The following ZNG1B variants were observed in gnomAD, a reference collection of about 807,000 sequenced individuals.
ZNG1B encodes zinc-regulated GTPase metalloprotein activator 1B.
At chr2:113,441,995 C>G in the ZNG1B span, among the ~76,000 whole-genome samples, 11 of 152,154 alleles carry the variant, frequency 7.2e-5, no homozygotes, top group Non-Finnish European at 1.0e-4. Flanking sequence ...GCCTCGGCCT[C>G]CCAAAGTTGC....
chr2:113,454,796 T>G, the ZNG1B span: 1 of 1,567,784 alleles, frequency 6.4e-7, no homozygotes, highest in East Asian at 2.3e-5. Flanking sequence ...GAAAGATTGC[T>G]ATGAGTGGCT....
At chr2:113,471,940 CATAT>C in the ZNG1B span, among the ~76,000 whole-genome samples, 30 of 151,622 alleles carry the variant, frequency 2.0e-4, no homozygotes, top group Non-Finnish European at 4.0e-4. Context: ...CCGCAATAAA[CATAT>C]GTGTGCATAT....
the ZNG1B span, chr2:113,460,772 T>A: frequency 1.9e-6 from 3 of 1,574,100 alleles, no homozygotes; most frequent in African/African-American, 1.4e-5. Context: ...AAGAGAAAAA[T>A]CACTAAGATG....
the ZNG1B span, chr2:113,453,286 C>T: frequency 6.4e-7 from 1 of 1,570,936 alleles, no homozygotes; most frequent in Admixed American, 2.0e-5. Context: ...CTTTGTTGCC[C>T]AGACTGGAGT....
At chr2:113,449,181 A>C in the ZNG1B span, among the ~76,000 whole-genome samples, 1 of 151,808 alleles carries the variant, frequency 6.6e-6, no homozygotes, top group Non-Finnish European at 1.5e-5. Context: ...CTTTGGCTTA[A>C]GGGAACATTG....
chr2:113,482,944 C>CT, the ZNG1B span, among the ~76,000 whole-genome samples: 19,603 of 119,052 alleles, frequency 0.16, 43 homozygotes, highest in East Asian at 0.37. Flanking sequence ...GAGATAACAG[C>CT]TACTTGCATT....
At chr2:113,480,320 C>T in the ZNG1B span, among the ~76,000 whole-genome samples, 1 of 151,872 alleles carries the variant, frequency 6.6e-6, no homozygotes, top group African/African-American at 2.4e-5. Flanking sequence ...TTTATTGTTA[C>T]TTTTTTGTAG....
chr2:113,439,751 C>T, the ZNG1B span, among the ~76,000 whole-genome samples: 1 of 152,034 alleles, frequency 6.6e-6, no homozygotes, highest in Admixed American at 6.5e-5. Context: ...ACTGTGACTC[C>T]TCTGGCTAGA....
the ZNG1B span, among the ~76,000 whole-genome samples, chr2:113,493,326 A>G: frequency 2.3e-5 from 3 of 129,554 alleles, no homozygotes; most frequent in Non-Finnish European, 5.0e-5. Context: ...AAAATGAAAT[A>G]GTTATCTTCA....
chr2:113,460,804 A>G, the ZNG1B span: 1 of 1,562,454 alleles, frequency 6.4e-7, no homozygotes, highest in Admixed American at 1.9e-5. Context: ...CAAACTAAGA[A>G]ATTTTAAAAC....
chr2:113,462,551 T>A, the ZNG1B span: 1 of 1,558,250 alleles, frequency 6.4e-7, no homozygotes, highest in Non-Finnish European at 8.7e-7. Context: ...ACACAGAATA[T>A]TTTTTACTCT....
At chr2:113,475,647 T>G in the ZNG1B span, among the ~76,000 whole-genome samples, 1 of 152,116 alleles carries the variant, frequency 6.6e-6, no homozygotes, top group Admixed American at 6.6e-5. Flanking sequence ...CTTTCCACGT[T>G]TAGTGCTTCC....
the ZNG1B span, chr2:113,454,726 T>A: frequency 6.4e-6 from 10 of 1,574,048 alleles, no homozygotes; most frequent in Non-Finnish European, 8.7e-6. Context: ...GATTAAAATG[T>A]TTTTTCCTTT....
the ZNG1B span, among the ~76,000 whole-genome samples, chr2:113,471,780 A>G: frequency 2.6e-5 from 4 of 151,716 alleles, no homozygotes; most frequent in South Asian, 2.1e-4. Flanking sequence ...ATGATTTCCA[A>G]TTTCATCCAT....
At chr2:113,477,097 G>A in the ZNG1B span, among the ~76,000 whole-genome samples, 1 of 152,222 alleles carries the variant, frequency 6.6e-6, no homozygotes, top group Admixed American at 6.5e-5. Context: ...CTGGGCAATG[G>A]CGGGCGCCCC....
chr2:113,448,773 G>A, the ZNG1B span, among the ~76,000 whole-genome samples: 1 of 151,890 alleles, frequency 6.6e-6, no homozygotes, highest in Non-Finnish European at 1.5e-5. Flanking sequence ...GCTTGGTGGT[G>A]GGAGCCTGTA....
At chr2:113,459,376 G>T in the ZNG1B span, among the ~76,000 whole-genome samples, 2 of 151,454 alleles carry the variant, frequency 1.3e-5, no homozygotes, top group Non-Finnish European at 2.9e-5. Context: ...AAACTATTCA[G>T]ATACCCCTAA....
At chr2:113,439,849 T>TC in the ZNG1B span, among the ~76,000 whole-genome samples, 1 of 149,362 alleles carries the variant, frequency 6.7e-6, no homozygotes, top group Non-Finnish European at 1.5e-5. Context: ...TTCACTGAAT[T>TC]CCCCTCCATT....
the ZNG1B span, among the ~76,000 whole-genome samples, chr2:113,456,200 A>G: frequency 1.3e-5 from 2 of 152,058 alleles, no homozygotes; most frequent in African/African-American, 4.8e-5. Context: ...AGAGTTTAAA[A>G]TCTCAATTTA....
Sources: allele counts gnomAD v4.1 joint callset (sites outside exome capture counted in the v4.1 genomes callset), GRCh38; gene constraint gnomAD v4.1.1; transcripts MANE v1.5; gene names NCBI Gene and HGNC (gene_info 2026-07-23, HGNC 2026-07-21).